RANBP17: variants seen among roughly 807,000 people sequenced by gnomAD.
The protein encoded by RANBP17 is RAN binding protein 17, also known as ran-binding protein 17.
Under a neutral mutation model 141.2 loss-of-function variants are expected in RANBP17, and 158 were observed. The observed-to-expected ratio is 1.12, with a 90% CI of 0.98 to 1.28. The LOEUF is 1.28. Ranked by LOEUF, RANBP17 falls within the 50% of genes most tolerant of loss-of-function variation. The pLI is 0.00. For missense variants in RANBP17, 1,438 were observed against 1,290.7 expected, an observed-to-expected ratio of 1.11 and a Z score of -1.75; for synonymous variants, 430 against 450.0, an observed-to-expected ratio of 0.96 and a Z score of 0.56.
intron 12 of RANBP17, among the ~76,000 whole-genome samples, chr5:170,935,770 C>T (rs115772302): frequency 0.041 from 6,246 of 152,260 alleles, 175 homozygotes; most frequent in Non-Finnish European, 0.062. Context: ...GCAGTCGGTC[C>T]GTTCTCAGAT....
intron 14 of RANBP17, among the ~76,000 whole-genome samples, chr5:171,082,865 A>G (rs150403376): frequency 2.5e-3 from 370 of 147,896 alleles, no homozygotes; most frequent in African/African-American, 8.4e-3. Flanking sequence ...TTTGGGTATG[A>G]TCAGATGTAA....
At chr5:171,186,805 A>G (rs1228047924) in intron 18 of RANBP17, among the ~76,000 whole-genome samples, 2 of 151,826 alleles carry the variant, frequency 1.3e-5, no homozygotes, top group African/African-American at 4.8e-5. Context: ...CAACACTGGT[A>G]TGATTTTCTA....
intron 24 of RANBP17, among the ~76,000 whole-genome samples, chr5:171,246,140 G>A (rs961394761): frequency 3.3e-5 from 5 of 151,884 alleles, no homozygotes; most frequent in African/African-American, 9.7e-5. Context: ...CTCAGCCTCC[G>A]AAAGTGCTGG....
At chr5:170,957,118 G>A (rs1393361477) in intron 13 of RANBP17, among the ~76,000 whole-genome samples, 2 of 116,280 alleles carry the variant, frequency 1.7e-5, no homozygotes, top group African/African-American at 6.3e-5. Flanking sequence ...CGCGCACACT[G>A]CCACTATCTC....
intron 22 of RANBP17, among the ~76,000 whole-genome samples, chr5:171,224,835 A>G (rs1312573529): frequency 6.6e-6 from 1 of 152,232 alleles, no homozygotes; most frequent in Non-Finnish European, 1.5e-5. Context: ...ATAAGCTTTT[A>G]TAGTCCTATA....
At chr5:171,048,073 G>C (rs563965055) in intron 14 of RANBP17, among the ~76,000 whole-genome samples, 1 of 151,978 alleles carries the variant, frequency 6.6e-6, no homozygotes, top group South Asian at 2.1e-4. Context: ...GTTTCTGATA[G>C]ATTTTTTTGT....
At chr5:170,988,021 C>T (rs1778265671) in intron 14 of RANBP17, among the ~76,000 whole-genome samples, 3 of 151,500 alleles carry the variant, frequency 2.0e-5, no homozygotes, top group South Asian at 4.1e-4. Flanking sequence ...TAAACACTTA[C>T]TCTCTCCCTT....
chr5:171,210,000 C>G (rs1324624720), intron 20 of RANBP17, among the ~76,000 whole-genome samples: 1 of 152,200 alleles, frequency 6.6e-6, no homozygotes, highest in Admixed American at 6.5e-5. Context: ...AAGAAGCAAA[C>G]TTGATACTTT....
At chr5:171,086,432 G>A (rs1785660808) in intron 14 of RANBP17, among the ~76,000 whole-genome samples, 1 of 151,044 alleles carries the variant, frequency 6.6e-6, no homozygotes, top group Non-Finnish European at 1.5e-5. Context: ...TCTCTTTTTG[G>A]TTGTGTCTCT....
chr5:171,184,917 C>T (rs986153317), intron 18 of RANBP17, among the ~76,000 whole-genome samples: 2 of 152,090 alleles, frequency 1.3e-5, no homozygotes, highest in Admixed American at 6.5e-5. Context: ...AATCCCAGCA[C>T]TTTGGGAGGC....
chr5:171,034,909 A>G (rs1781773369), intron 14 of RANBP17, among the ~76,000 whole-genome samples: 1 of 152,150 alleles, frequency 6.6e-6, no homozygotes, highest in East Asian at 1.9e-4. Context: ...TGGCAGCTTC[A>G]ACCTCCAGGC....
intron 25 of RANBP17, among the ~76,000 whole-genome samples, chr5:171,270,621 G>A (rs1767040351): frequency 1.3e-5 from 2 of 152,064 alleles, no homozygotes; most frequent in South Asian, 4.1e-4. Context: ...ATAATACATA[G>A]TTATAGATAC....
chr5:171,053,878 CATATATATATATATATATATATATAT>C (rs58623197), intron 14 of RANBP17, among the ~76,000 whole-genome samples: 18 of 17,224 alleles, frequency 1.0e-3, no homozygotes, highest in South Asian at 9.3e-3. Flanking sequence ...GTGTTTAGTT[CATATATATATATATATATATATATAT>C]ATATATATAT....
At chr5:171,036,785 C>A (rs1781909005) in intron 14 of RANBP17, among the ~76,000 whole-genome samples, 1 of 152,170 alleles carries the variant, frequency 6.6e-6, no homozygotes, top group Non-Finnish European at 1.5e-5. Context: ...TTTTTTATGG[C>A]TGTGTGGTAT....
At chr5:171,155,001 C>T (rs1404873099) in intron 14 of RANBP17, among the ~76,000 whole-genome samples, 1 of 149,564 alleles carries the variant, frequency 6.7e-6, no homozygotes, top group East Asian at 2.0e-4. Flanking sequence ...TGGCTTGAAC[C>T]CGGGAGGCAG....
In RANBP17 at chr5:171,283,392, C is replaced by T. The variant is rs58202829; in HGVS notation, c.2944-10491C>T. Among the ~76,000 whole-genome samples the T allele has an allele frequency of 6.6e-3, 1,004 of 152,282 alleles. 15 individuals are homozygous for T. The highest frequency in any genetic ancestry group is 0.023 in the African/African-American group (957 of 41,538). On this transcript the variant is annotated intron_variant, in intron 25 of 27. Coordinates refer to ENST00000523189, the MANE Select transcript of RANBP17 (RefSeq NM_022897.5). Reference sequence around the variant, plus strand: ...ATGAGGAATGAGGTTCTATTCCCAACGCTTTCAGTCACTAGCATTCCTTGG... The same window carrying T: ...ATGAGGAATGAGGTTCTATTCCCAATGCTTTCAGTCACTAGCATTCCTTGG...
At chr5:171,280,517 T>C (rs968319666) in intron 25 of RANBP17, among the ~76,000 whole-genome samples, 1 of 152,142 alleles carries the variant, frequency 6.6e-6, no homozygotes, top group Non-Finnish European at 1.5e-5. Context: ...TGAGCTGAAG[T>C]GATCCACCCA....
At chr5:171,093,818 T>C (rs1392450546) in intron 14 of RANBP17, among the ~76,000 whole-genome samples, 7 of 152,216 alleles carry the variant, frequency 4.6e-5, no homozygotes, top group African/African-American at 1.7e-4. Context: ...AAGCTGGATA[T>C]GAGCCAAGAT....
intron 13 of RANBP17, among the ~76,000 whole-genome samples, chr5:170,956,736 A>C (rs149306821): frequency 0.029 from 4,393 of 149,480 alleles, 210 homozygotes; most frequent in African/African-American, 0.099. Flanking sequence ...AGGCGTGAGC[A>C]ACTGTGCCCA....
Sources: gnomAD v4.1 joint callset for allele counts (sites outside exome capture counted in the v4.1 genomes callset) on GRCh38, gnomAD v4.1.1 for gene constraint, MANE v1.5 for transcripts, NCBI Gene and HGNC (gene_info 2026-07-23, HGNC 2026-07-21) for gene names.